ADGRL3: variants seen among roughly 807,000 people sequenced by gnomAD.
ADGRL3 encodes the protein calcium-independent alpha-latrotoxin receptor 3.
A neutral mutation model predicts 153.5 loss-of-function variants in ADGRL3; 62 were observed. That is an observed-to-expected ratio of 0.40 (90% CI 0.33 to 0.50). The LOEUF is 0.50. ADGRL3 is among the 20% of genes least tolerant of loss of function. The pLI, the probability that ADGRL3 is intolerant of heterozygous loss-of-function variation, is 0.47. For missense variants in ADGRL3, 1,641 were observed against 1,859.4 expected, an observed-to-expected ratio of 0.88 and a Z score of 2.16; for synonymous variants, 710 against 672.5, an observed-to-expected ratio of 1.06 and a Z score of -0.86.
chr4:61,410,347 T>G (rs960656633), intron 2 of ADGRL3, among the ~76,000 whole-genome samples: 1 of 152,154 alleles, frequency 6.6e-6, no homozygotes, highest in East Asian at 1.9e-4. Context: ...CACATTGCTT[T>G]TTTCCCTTTC....
intron 1 of ADGRL3, among the ~76,000 whole-genome samples, chr4:61,334,648 G>T (rs2095640811): frequency 6.6e-6 from 1 of 152,054 alleles, no homozygotes; most frequent in Non-Finnish European, 1.5e-5. Context: ...GAAAACTTCT[G>T]CAGCTATGTC....
chr4:61,820,085 G>C (rs951790734), intron 9 of ADGRL3, among the ~76,000 whole-genome samples: 1 of 152,102 alleles, frequency 6.6e-6, no homozygotes, highest in Non-Finnish European at 1.5e-5. Context: ...CATAGTCACA[G>C]TGTGTTTCTT....
At chr4:61,686,275 G>T (rs2095441181) in intron 6 of ADGRL3, among the ~76,000 whole-genome samples, 1 of 152,028 alleles carries the variant, frequency 6.6e-6, no homozygotes. Flanking sequence ...CAAAGGTAGG[G>T]TTTTCATCCC....
intron 2 of ADGRL3, among the ~76,000 whole-genome samples, chr4:61,438,844 A>G (rs1160638841): frequency 6.6e-6 from 1 of 151,696 alleles, no homozygotes; most frequent in Non-Finnish European, 1.5e-5. Context: ...AGTAGCTGAG[A>G]CTACAGGCGC....
chr4:61,926,307 A>G (rs901450544), intron 13 of ADGRL3, among the ~76,000 whole-genome samples: 2 of 152,168 alleles, frequency 1.3e-5, no homozygotes, highest in African/African-American at 4.8e-5. Flanking sequence ...TATGTTACTC[A>G]TACTGTCCAC....
chr4:61,531,602 A>G (rs2098616235), intron 4 of ADGRL3, among the ~76,000 whole-genome samples: 1 of 152,206 alleles, frequency 6.6e-6, no homozygotes, highest in Non-Finnish European at 1.5e-5. Flanking sequence ...GACTGCATCC[A>G]GACCCATGAT....
chr4:61,867,441 A>C (rs1021796158), intron 9 of ADGRL3, among the ~76,000 whole-genome samples: 2 of 149,070 alleles, frequency 1.3e-5, no homozygotes, highest in Non-Finnish European at 3.0e-5. Context: ...TGGAGGTTGC[A>C]GCGCACCGAG....
Position 61,298,830 on chromosome 4 carries a change from G to C in ADGRL3, c.-239-84294G>C, listed in dbSNP as rs572553565. Among the ~76,000 whole-genome samples, 414 of 152,244 alleles carry C rather than the reference G, an allele frequency of 2.7e-3. 2 individuals carry two copies. The highest frequency in any genetic ancestry group is 4.2e-3 in the Non-Finnish European group (285 of 68,008). ...ATTAGATTGATATGTTTTAATAATA[G>C]AGAAGGTTATAAAGGGTTCCATTTC... On this transcript the variant is annotated intron_variant, in intron 1 of 26. Coordinates refer to ENST00000683033, the MANE Select transcript of ADGRL3 (RefSeq NM_001387552.1).
chr4:61,879,996 G>C (rs2098499918), intron 9 of ADGRL3, among the ~76,000 whole-genome samples: 2 of 152,262 alleles, frequency 1.3e-5, no homozygotes, highest in East Asian at 3.9e-4. Flanking sequence ...AAATTCTTGA[G>C]ATTATAGGCA....
At chr4:61,903,666 A>T (rs1191117882) in intron 11 of ADGRL3, among the ~76,000 whole-genome samples, 8 of 134,056 alleles carry the variant, frequency 6.0e-5, no homozygotes, top group African/African-American at 1.8e-4. Flanking sequence ...AAAAAAAAAA[A>T]AAAAAAAAAA....
At chr4:61,371,253 G>C (rs2096522679) in intron 1 of ADGRL3, among the ~76,000 whole-genome samples, 1 of 151,408 alleles carries the variant, frequency 6.6e-6, no homozygotes, top group African/African-American at 2.4e-5. Flanking sequence ...AGTGTTATGT[G>C]TGAATTTGAT....
intron 2 of ADGRL3, among the ~76,000 whole-genome samples, chr4:61,435,322 A>C (rs1331672618): frequency 6.6e-6 from 1 of 152,120 alleles, no homozygotes; most frequent in African/African-American, 2.4e-5. Flanking sequence ...AAAGGAGTTC[A>C]TGATCATTAC....
chr4:61,749,786 C>G (rs944966894), intron 8 of ADGRL3, among the ~76,000 whole-genome samples: 1 of 151,738 alleles, frequency 6.6e-6, no homozygotes, highest in South Asian at 2.1e-4. Context: ...GTGCAGTACA[C>G]CAGCATGGCA....
At chr4:61,282,643 C>G (rs1422496307) in intron 1 of ADGRL3, among the ~76,000 whole-genome samples, 3 of 151,748 alleles carry the variant, frequency 2.0e-5, no homozygotes, top group African/African-American at 7.3e-5. Context: ...CTTTTTTTTA[C>G]TAAACATAGT....
intron 17 of ADGRL3, among the ~76,000 whole-genome samples, chr4:61,975,275 A>G (rs2099044100): frequency 6.6e-6 from 1 of 152,146 alleles, no homozygotes; most frequent in Non-Finnish European, 1.5e-5. Context: ...ACCCTCTGTG[A>G]GAAGGTGACA....
At chr4:61,820,964 G>T (rs1185738022) in intron 9 of ADGRL3, among the ~76,000 whole-genome samples, 1 of 152,052 alleles carries the variant, frequency 6.6e-6, no homozygotes, top group Admixed American at 6.5e-5. Context: ...TTGTGTTAAA[G>T]GTAAATCAGA....
chr4:61,269,909 A>G (rs1044771454), intron 1 of ADGRL3, among the ~76,000 whole-genome samples: 3 of 151,686 alleles, frequency 2.0e-5, no homozygotes, highest in South Asian at 2.1e-4. Flanking sequence ...TCTTTTACAG[A>G]TAAAGAAACT....
chr4:61,304,909 G>T (rs1477741961), intron 1 of ADGRL3, among the ~76,000 whole-genome samples: 1 of 152,152 alleles, frequency 6.6e-6, no homozygotes, highest in African/African-American at 2.4e-5. Flanking sequence ...TCCTAGAAGT[G>T]AATCAATTTA....
intron 2 of ADGRL3, among the ~76,000 whole-genome samples, chr4:61,473,823 A>G (rs1246552985): frequency 6.6e-6 from 1 of 152,146 alleles, no homozygotes; most frequent in East Asian, 1.9e-4. Flanking sequence ...ATAAGCAGAC[A>G]TTTATTGACT....
Sources: gnomAD v4.1 joint callset for allele counts (sites outside exome capture counted in the v4.1 genomes callset) on GRCh38, gnomAD v4.1.1 for gene constraint, MANE v1.5 for transcripts, NCBI Gene and HGNC (gene_info 2026-07-23, HGNC 2026-07-21) for gene names.